The following ZNF804B variants were observed in gnomAD, a reference collection of about 807,000 sequenced individuals.
ZNF804B encodes zinc finger protein 804B, also known as zinc finger 804B.
Under a neutral mutation model 101.4 loss-of-function variants are expected in ZNF804B, and 80 were observed. That is an observed-to-expected ratio of 0.79 (90% CI 0.66 to 0.95). The LOEUF is 0.95. Among genes scored for constraint, ZNF804B ranks in the 40% least tolerant of loss-of-function variants. The probability of loss-of-function intolerance (pLI) is 0.00; values close to 1 mark genes in which losing one functional copy is unlikely to be tolerated. For missense variants in ZNF804B, 1,673 were observed against 1,561.9 expected (o/e 1.07, Z -1.20); for synonymous variants, 622 against 558.8 (o/e 1.11, Z -1.59).
At chr7:89,218,336 A>T in intron 2 of ZNF804B, 41 bp downstream of exon 2, 1 of 1,609,406 alleles carries the variant, frequency 6.2e-7, no homozygotes, top group Non-Finnish European at 8.5e-7. Flanking sequence ...TCCTGTATTT[A>T]TACCTTCAGA....
At chr7:89,122,080 TTAAAC>T (rs1790415155) in intron 1 of ZNF804B, among the ~76,000 whole-genome samples, 1 of 151,712 alleles carries the variant, frequency 6.6e-6, no homozygotes, top group African/African-American at 2.4e-5. Context: ...AATATATATA[TTAAAC>T]TACTTATTTA....
intron 1 of ZNF804B, among the ~76,000 whole-genome samples, chr7:88,970,223 A>T (rs532607793): frequency 1.3e-5 from 2 of 151,522 alleles, no homozygotes; most frequent in South Asian, 2.1e-4. Context: ...AAGTTCTGGG[A>T]TACATGTGCA....
intron 1 of ZNF804B, among the ~76,000 whole-genome samples, chr7:89,052,315 T>G (rs917556742): frequency 6.6e-6 from 1 of 152,048 alleles, no homozygotes. Flanking sequence ...TATTTTTTAA[T>G]TGTTTACCAT....
intron 2 of ZNF804B, among the ~76,000 whole-genome samples, chr7:89,290,280 A>G (rs1790266564): frequency 6.6e-6 from 1 of 152,188 alleles, no homozygotes; most frequent in South Asian, 2.1e-4. Context: ...GACCCAGCAC[A>G]TTCCAAGATC....
chr7:89,307,691 AT>A (rs1392170534), intron 2 of ZNF804B, among the ~76,000 whole-genome samples: 1 of 152,052 alleles, frequency 6.6e-6, no homozygotes, highest in Non-Finnish European at 1.5e-5. Flanking sequence ...AAAACAATAC[AT>A]TTCCAGTCAC....
intron 1 of ZNF804B, among the ~76,000 whole-genome samples, chr7:89,010,347 G>A (rs1477887943): frequency 1.3e-5 from 2 of 152,104 alleles, no homozygotes; most frequent in South Asian, 2.1e-4. Context: ...TTGATTAAGT[G>A]GCTGGTCAAC....
intron 1 of ZNF804B, among the ~76,000 whole-genome samples, chr7:89,162,702 G>A (rs1164263366): frequency 1.3e-5 from 2 of 150,048 alleles, no homozygotes; most frequent in African/African-American, 4.9e-5. Context: ...TGTGCACAAT[G>A]TGCAGGTTAG....
Position 89,259,769 on chromosome 7 carries a change from A to G in ZNF804B, c.249+41474A>G, listed in dbSNP as rs548328098. Among the ~76,000 whole-genome samples the G allele has an allele frequency of 9.5e-4, 145 of 152,206 alleles. 5 individuals carry two copies. In the South Asian group the frequency reaches 0.029, roughly 30 times the overall value. On this transcript the variant is annotated intron_variant, in intron 2 of 3. Transcript: ENST00000333190. The stretch of plus-strand genomic sequence containing the variant: ...AGGTCGAGGCAGGCAGATCACCTGA[A>G]GTCAGGAATTCAAGACCATGGTCAA...
intron 1 of ZNF804B, among the ~76,000 whole-genome samples, chr7:88,895,653 G>A (rs1490306563): frequency 6.6e-6 from 1 of 152,156 alleles, no homozygotes; most frequent in Non-Finnish European, 1.5e-5. Flanking sequence ...GTATACACAA[G>A]ATGAGACTAT....
chr7:89,161,074 G>A (rs1157103912), intron 1 of ZNF804B, among the ~76,000 whole-genome samples: 1 of 151,982 alleles, frequency 6.6e-6, no homozygotes, highest in Admixed American at 6.6e-5. Context: ...AGATTGCCTT[G>A]TGGTTAGGAT....
chr7:88,942,527 TGTG>T (rs773840257), intron 1 of ZNF804B, among the ~76,000 whole-genome samples: 52 of 142,502 alleles, frequency 3.6e-4, no homozygotes, highest in South Asian at 6.7e-4. Flanking sequence ...TGTGTGTGTG[TGTG>T]TTTTGCATTG....
At chr7:89,077,505 G>A (rs543091444) in intron 1 of ZNF804B, among the ~76,000 whole-genome samples, 7 of 152,206 alleles carry the variant, frequency 4.6e-5, no homozygotes, top group South Asian at 2.1e-4. Context: ...TAACGAGATC[G>A]TTTATTCTTG....
At chr7:89,047,931 G>A (rs1789137021) in intron 1 of ZNF804B, among the ~76,000 whole-genome samples, 1 of 151,618 alleles carries the variant, frequency 6.6e-6, no homozygotes, top group Admixed American at 6.6e-5. Context: ...GAGCCTTTTG[G>A]TTTGTTTTCT....
intron 2 of ZNF804B, among the ~76,000 whole-genome samples, chr7:89,286,146 A>T (rs1412280315): frequency 1.3e-5 from 2 of 152,132 alleles, no homozygotes; most frequent in African/African-American, 4.8e-5. Context: ...TAAGGTGTTG[A>T]GGTGGTCTGC....
intron 2 of ZNF804B, among the ~76,000 whole-genome samples, chr7:89,307,169 T>C (rs1406696112): frequency 1.3e-5 from 2 of 152,020 alleles, no homozygotes; most frequent in Admixed American, 6.6e-5. Flanking sequence ...ATTTTATTTT[T>C]AAAAGTCAGA....
intron 1 of ZNF804B, among the ~76,000 whole-genome samples, chr7:88,843,339 G>A (rs900497250): frequency 2.0e-5 from 3 of 152,056 alleles, no homozygotes; most frequent in African/African-American, 7.2e-5. Flanking sequence ...GGTAACTTAA[G>A]TAAGTAGATC....
chr7:89,275,968 C>T (rs1584098399), intron 2 of ZNF804B, among the ~76,000 whole-genome samples: 1 of 151,780 alleles, frequency 6.6e-6, no homozygotes. Context: ...TACATAAACA[C>T]CATGGAATAC....
intron 2 of ZNF804B, among the ~76,000 whole-genome samples, chr7:89,295,989 A>G (rs1039255835): frequency 6.6e-6 from 1 of 152,114 alleles, no homozygotes; most frequent in Admixed American, 6.6e-5. Context: ...TGGACTTTAG[A>G]GACTCGGAAG....
At chr7:88,931,491 G>A (rs1391516951) in intron 1 of ZNF804B, among the ~76,000 whole-genome samples, 2 of 151,828 alleles carry the variant, frequency 1.3e-5, no homozygotes, top group African/African-American at 2.4e-5. Context: ...ATGGAAATAA[G>A]TTTTATGAAT....
Sources: gnomAD v4.1 joint callset for allele counts (sites outside exome capture counted in the v4.1 genomes callset) on GRCh38, gnomAD v4.1.1 for gene constraint, MANE v1.5 for transcripts, NCBI Gene and HGNC (gene_info 2026-07-23, HGNC 2026-07-21) for gene names.